The following CREBBP variants were observed in gnomAD, a reference collection of about 807,000 sequenced individuals.
CREBBP encodes CREB-binding protein.
A neutral mutation model predicts 265.0 loss-of-function variants in CREBBP; 19 were observed. The ratio of observed to expected loss-of-function variants is 0.07; its 90% confidence interval spans 0.05 to 0.11. The LOEUF (loss-of-function observed/expected upper bound fraction) is 0.11. Among genes scored for constraint, CREBBP ranks in the 10% least tolerant of loss-of-function variants. The probability of loss-of-function intolerance (pLI) is 1.00; values close to 1 mark genes in which losing one functional copy is unlikely to be tolerated. For synonymous variants in CREBBP, 1,457 were observed against 1,223.7 expected, an observed-to-expected ratio of 1.19 and a Z score of -3.98; for missense variants, 2,525 against 3,219.0, an observed-to-expected ratio of 0.78 and a Z score of 5.22.
rs2054755514 is a variant in CREBBP, at chr16:3,849,433, GTGTGTGTGTGTGTGTGTGTGTGT to G, written c.798+841_798+863del. On this transcript the variant is annotated intron_variant, in intron 2 of 30. Transcript: ENST00000262367. Reference sequence around the variant, plus strand: ...TGTGTGTGTGTGTGTGTGTGTGTGTGTGTGTGTGTGTGTGTGTGTGTGTGTGTGTGTGTGTGTGTGTGTGTGTG... The same window carrying G: ...TGTGTGTGTGTGTGTGTGTGTGTGTGGTGTGTGTGTGTGTGTGTGTGTGTG... Among the ~76,000 whole-genome samples the G allele has an allele frequency of 2.6e-3, 37 of 14,328 alleles. 1 individual carries two copies. Among genetic ancestry groups the G allele is most frequent in the South Asian group, 0.011 (3 of 274 alleles). The allele number at this position is 14,328 out of a possible 152,430, so 9.4% of individuals were successfully genotyped here.
rs1382226274 is a variant in CREBBP at position 3,750,305 on chromosome 16, GGTTT to G, written c.3780-626_3780-623del. Among the ~76,000 whole-genome samples, 20 of 152,270 alleles carry G rather than the reference GGTTT, an allele frequency of 1.3e-4. No individual in the cohort carries two copies. The East Asian group carries it at 3.5e-3, about 26-fold the overall frequency. On this transcript the variant is annotated intron_variant, in intron 20 of 30. Coordinates refer to ENST00000262367, the MANE Select transcript of CREBBP (RefSeq NM_004380.3). ...GAAAATGTAGAATTTCAGTCACTTT[GGTTT>G]GTTTGTCTTACAAGTTAGGTTTTTT...
intron 3 of CREBBP, among the ~76,000 whole-genome samples, chr16:3,807,467 G>A (rs1302005814): frequency 6.6e-6 from 1 of 152,180 alleles, no homozygotes; most frequent in Non-Finnish European, 1.5e-5. Context: ...TTTGCCCTCA[G>A]TATGCAAAAG....
At chr16:3,755,912 G>C (rs1438295844) in intron 19 of CREBBP, among the ~76,000 whole-genome samples, 7 of 152,006 alleles carry the variant, frequency 4.6e-5, no homozygotes, top group Admixed American at 4.6e-4. Flanking sequence ...AGCAGGCCAG[G>C]CTTATTCCTA....
At chr16:3,752,986 A>C (rs537736926) in intron 19 of CREBBP, among the ~76,000 whole-genome samples, 1 of 152,258 alleles carries the variant, frequency 6.6e-6, no homozygotes, top group Non-Finnish European at 1.5e-5. Context: ...ATACCGTAAG[A>C]ATAAACAAGC....
chr16:3,855,021 C>T (rs1391664013), intron 1 of CREBBP, among the ~76,000 whole-genome samples: 5 of 152,186 alleles, frequency 3.3e-5, no homozygotes, highest in Non-Finnish European at 7.3e-5. Context: ...ATGTGCAACT[C>T]AGGAAATGTA....
chr16:3,784,690 T>C (rs1375708230), intron 5 of CREBBP, among the ~76,000 whole-genome samples: 1 of 152,240 alleles, frequency 6.6e-6, no homozygotes, highest in Non-Finnish European at 1.5e-5. Flanking sequence ...TATGGAGCCT[T>C]CCATTTCCCG....
In CREBBP at chr16:3,831,090, A is replaced by G. The variant is rs1229629497; in HGVS notation, c.798+19207T>C. 9.1e-4 allele frequency among the ~76,000 whole-genome samples: 138 copies of G among 152,192 alleles called. 1 individual carries two copies. The highest frequency in any genetic ancestry group is 1.0e-4 in the Non-Finnish European group (7 of 68,040). ...ACACTGCGCCTGATCATTCTTTTCA[A>G]GTATAGATAGAATATTTGTCAAGAA... On this transcript the variant is annotated intron_variant, in intron 2 of 30. Coordinates refer to ENST00000262367, the MANE Select transcript of CREBBP (RefSeq NM_004380.3).
At chr16:3,744,368 G>A (rs1403879978) in intron 23 of CREBBP, among the ~76,000 whole-genome samples, 1 of 152,216 alleles carries the variant, frequency 6.6e-6, no homozygotes, top group Non-Finnish European at 1.5e-5. Context: ...GGGGTGAGGG[G>A]TCTTAGGTCT....
intron 23 of CREBBP, chr16:3,742,511 C>A (rs2052241820): frequency 6.6e-6 from 1 of 152,066 alleles, no homozygotes; most frequent in Non-Finnish European, 1.5e-5. Flanking sequence ...ATGACAGGGG[C>A]CTTTTGTGCC....
At chr16:3,765,247 A>G (rs1483815167) in intron 16 of CREBBP, among the ~76,000 whole-genome samples, 1 of 152,186 alleles carries the variant, frequency 6.6e-6, no homozygotes, top group Non-Finnish European at 1.5e-5. Flanking sequence ...AAGTGCGGGG[A>G]TTACAGGTGT....
At position 3,731,661 on chromosome 16, in the gene CREBBP, C is replaced by T. The variant is rs1034471986; in HGVS notation, c.4890+115G>A. The T allele has an allele frequency of 6.6e-7, 1 of 1,507,494 alleles. No individual in the cohort carries two copies. The highest frequency in any genetic ancestry group is 9.2e-7 in the Non-Finnish European group (1 of 1,088,146). 93.4% of individuals were successfully genotyped at this position (1,507,494 alleles called of 1,614,324 possible). On this transcript the variant is annotated intron_variant, in intron 29 of 30. Coordinates refer to ENST00000262367, the MANE Select transcript of CREBBP (RefSeq NM_004380.3). This position sits in a 1 kb window ranked among gnomAD's most constrained non-coding sequence, Gnocchi z 7.7. The stretch of plus-strand genomic sequence containing the variant: ...TCACCCAACTGGTCCACTTGGTTTC[C>T]TGGGGGCCACTTCCCTCCCACCACA...
intron 19 of CREBBP, among the ~76,000 whole-genome samples, chr16:3,756,665 G>C (rs2052593381): frequency 6.6e-6 from 1 of 152,134 alleles, no homozygotes; most frequent in South Asian, 2.1e-4. Context: ...TAAAAATAAA[G>C]ATCATGGACC....
chr16:3,805,253 G>T (rs141529645), intron 3 of CREBBP, among the ~76,000 whole-genome samples: 3 of 152,112 alleles, frequency 2.0e-5, no homozygotes, highest in African/African-American at 2.4e-5. Flanking sequence ...ATAGACAAGG[G>T]CTTACTTCCA....
chr16:3,846,424 GT>G (rs1290270269), intron 2 of CREBBP, among the ~76,000 whole-genome samples: 2 of 152,202 alleles, frequency 1.3e-5, no homozygotes, highest in African/African-American at 4.8e-5. Flanking sequence ...TAAAATCTCA[GT>G]ATCTTTTAAT....
At chr16:3,787,957 C>T (rs561123251) in intron 5 of CREBBP, among the ~76,000 whole-genome samples, 11 of 152,350 alleles carry the variant, frequency 7.2e-5, no homozygotes, top group East Asian at 5.8e-4. Flanking sequence ...GGATTACAGA[C>T]GTTAGCCACT....
chr16:3,864,316 G>C (rs2055135385), intron 1 of CREBBP, among the ~76,000 whole-genome samples: 1 of 152,188 alleles, frequency 6.6e-6, no homozygotes, highest in South Asian at 2.1e-4. Context: ...GGCTATTTGA[G>C]AGCCACAAAC....
intron 5 of CREBBP, among the ~76,000 whole-genome samples, chr16:3,790,703 T>C (rs74936013): frequency 1.3e-5 from 2 of 152,158 alleles, no homozygotes; most frequent in Admixed American, 1.3e-4. Context: ...GGGAGGCAGA[T>C]AACAGGCCCC....
chr16:3,823,986 ACACACACT>A, intron 2 of CREBBP, among the ~76,000 whole-genome samples: 1 of 151,378 alleles, frequency 6.6e-6, no homozygotes, highest in African/African-American at 2.4e-5. Context: ...ACACACACAC[ACACACACT>A]CATCTAGGAA....
intron 15 of CREBBP, among the ~76,000 whole-genome samples, chr16:3,768,144 T>TTG (rs2141185684): frequency 9.8e-6 from 1 of 101,596 alleles, no homozygotes; most frequent in African/African-American, 5.1e-5. Context: ...GTGTTTTTTT[T>TTG]TTTTTTTTTT....
Sources: allele counts gnomAD v4.1 joint callset (sites outside exome capture counted in the v4.1 genomes callset), GRCh38; gene constraint gnomAD v4.1.1; non-coding constraint Gnocchi (gnomAD v3.1); transcripts MANE v1.5; gene names NCBI Gene and HGNC (gene_info 2026-07-23, HGNC 2026-07-21).